Variants in SLF1 observed in about 807,000 individuals in gnomAD.
SLF1 encodes SMC5/6 complex localization factor 1.
SLF1 carries 105 observed loss-of-function variants against 123.0 expected under a neutral mutation model. The observed-to-expected ratio is 0.85, with a 90% CI of 0.73 to 1.00. SLF1 has a LOEUF of 1.00. SLF1 is among the 50% of genes least tolerant of loss of function. The pLI, the probability that SLF1 is intolerant of heterozygous loss-of-function variation, is 0.00. For missense variants in SLF1, 1,239 were observed against 1,223.0 expected (o/e 1.01, Z -0.20); for synonymous variants, 434 against 406.6 (o/e 1.07, Z -0.81).
chr5:94,643,223 A>G (rs1746646267), intron 4 of SLF1, 50 bp from the exon 5 acceptor site: 1 of 1,363,376 alleles, frequency 7.3e-7, no homozygotes, highest in Non-Finnish European at 9.9e-7. Context: ...AATTTGACTA[A>G]AGAAACTCAA....
At chr5:94,654,837 A>T in intron 9 of SLF1, 85 bp downstream of exon 9, 6 of 928,448 alleles carry the variant, frequency 6.5e-6, no homozygotes, top group Non-Finnish European at 7.2e-6. Context: ...ACATATATAC[A>T]TATGATTCAT....
At chr5:94,624,065 C>T (rs933385962) in intron 1 of SLF1, among the ~76,000 whole-genome samples, 3 of 152,118 alleles carry the variant, frequency 2.0e-5, no homozygotes, top group African/African-American at 7.2e-5. Flanking sequence ...TTATTTTGGG[C>T]CGTCACTGGG....
chr5:94,623,460 G>A (rs17328637), intron 1 of SLF1, among the ~76,000 whole-genome samples: 12,425 of 152,028 alleles, frequency 0.082, 561 homozygotes, highest in South Asian at 0.12. Context: ...TTAACTGTCA[G>A]AAGTCATGCT....
intron 9 of SLF1, 91 bp from the exon 10 acceptor site, chr5:94,662,207 G>T: frequency 9.1e-7 from 1 of 1,092,958 alleles, no homozygotes; most frequent in Non-Finnish European, 1.3e-6. Context: ...TCCTGGATCT[G>T]TTTTATATGT....
At chr5:94,673,447 G>A (rs1275573367) in intron 14 of SLF1, among the ~76,000 whole-genome samples, 1 of 152,022 alleles carries the variant, frequency 6.6e-6, no homozygotes, top group Non-Finnish European at 1.5e-5. Flanking sequence ...TGCTGAAGTG[G>A]AAGGATTGCT....
intron 5 of SLF1, among the ~76,000 whole-genome samples, chr5:94,646,446 G>C (rs1747068653): frequency 1.3e-5 from 2 of 152,284 alleles, no homozygotes; most frequent in Admixed American, 1.3e-4. Context: ...CACACTTTGA[G>C]ATGCTTAGTA....
intron 20 of SLF1, 21 bp from the exon 21 acceptor site, chr5:94,694,810 T>G (rs772264548): frequency 6.5e-7 from 1 of 1,527,354 alleles, no homozygotes; most frequent in Non-Finnish European, 8.8e-7. Flanking sequence ...ACTTGCAACA[T>G]TTTGCATTTT....
chr5:94,651,004 A>G (rs547342754), intron 6 of SLF1, among the ~76,000 whole-genome samples: 1 of 152,340 alleles, frequency 6.6e-6, no homozygotes, highest in East Asian at 1.9e-4. Context: ...ACACATAATG[A>G]TGTTTTGGTC....
intron 14 of SLF1, among the ~76,000 whole-genome samples, chr5:94,676,617 C>T (rs536667135): frequency 7.2e-4 from 110 of 152,244 alleles, no homozygotes; most frequent in Admixed American, 1.2e-3. Flanking sequence ...AAAATCTCCT[C>T]AGCCCCACAC....
intron 3 of SLF1, chr5:94,629,776 T>G (rs1479601318): frequency 6.6e-6 from 1 of 152,196 alleles, no homozygotes; most frequent in Admixed American, 6.5e-5. Flanking sequence ...AGGAAAACAC[T>G]TGCATTCGTT....
intron 12 of SLF1, 21 bp from the exon 13 acceptor site, chr5:94,670,130 T>G (rs1237579206): frequency 2.0e-6 from 3 of 1,526,292 alleles, no homozygotes; most frequent in Admixed American, 4.3e-5. Flanking sequence ...TGTTATAGAT[T>G]TTTGGGTTCA....
At chr5:94,618,933 C>T (rs560035457) in intron 1 of SLF1, among the ~76,000 whole-genome samples, 168 bp downstream of exon 1, 73 of 152,328 alleles carry the variant, frequency 4.8e-4, no homozygotes, top group Non-Finnish European at 9.3e-4. Flanking sequence ...AGCTGCAGTT[C>T]GTTCCAGCTC....
chr5:94,672,662 A>G (rs1025364756), intron 14 of SLF1, among the ~76,000 whole-genome samples: 1 of 152,058 alleles, frequency 6.6e-6, no homozygotes, highest in African/African-American at 2.4e-5. Context: ...CAGTTAAAAG[A>G]CTTTTTAACT....
In SLF1 at chr5:94,694,759, A is replaced by G. The variant is rs542416614; in HGVS notation, c.2696-72A>G. On this transcript the variant is annotated intron_variant, in intron 20 of 20. Coordinates refer to ENST00000265140, the MANE Select transcript of SLF1 (RefSeq NM_032290.4). The stretch of plus-strand genomic sequence containing the variant: ...GAAAGCACTGGATGCTTTGGGAAAA[A>G]GGAGAAAAGAGCTGTTAAGCTGCCA... 1.6e-5 allele frequency: 24 copies of G among 1,498,436 alleles called. No individual in the cohort carries two copies. In the African/African-American group the frequency reaches 2.5e-4, roughly 16 times the overall value. 92.8% of individuals were successfully genotyped at this position (1,498,436 alleles called of 1,614,324 possible).
chr5:94,691,072 G>A (rs1159472040), intron 18 of SLF1: 3 of 154,586 alleles, frequency 1.9e-5, no homozygotes, highest in African/African-American at 4.8e-5. Context: ...AATTATACTT[G>A]AGTGTGTAGA....
At chr5:94,689,122 G>GT (rs940614779) in intron 17 of SLF1, among the ~76,000 whole-genome samples, 1 of 152,206 alleles carries the variant, frequency 6.6e-6, no homozygotes, top group African/African-American at 2.4e-5. Flanking sequence ...GAAGAGAATA[G>GT]AATCAGAATA....
At chr5:94,642,742 A>C (rs937335456) in intron 4 of SLF1, among the ~76,000 whole-genome samples, 1 of 152,026 alleles carries the variant, frequency 6.6e-6, no homozygotes. Flanking sequence ...TAAATGTAAA[A>C]TGTATTTTTT....
chr5:94,621,553 A>G (rs1205355893), intron 1 of SLF1, among the ~76,000 whole-genome samples: 2 of 152,174 alleles, frequency 1.3e-5, no homozygotes, highest in East Asian at 1.9e-4. Flanking sequence ...TTCTATGGCT[A>G]ACCGATATCT....
chr5:94,690,020 T>C (rs2152498727), intron 18 of SLF1, among the ~76,000 whole-genome samples: 1 of 152,326 alleles, frequency 6.6e-6, no homozygotes, highest in Non-Finnish European at 1.5e-5. Context: ...AAGAGTAGGC[T>C]ATGTTACATA....
Sources: allele counts gnomAD v4.1 joint callset (sites outside exome capture counted in the v4.1 genomes callset), GRCh38; gene constraint gnomAD v4.1.1; transcripts MANE v1.5; gene names NCBI Gene and HGNC (gene_info 2026-07-23, HGNC 2026-07-21).